TRIM23: variants seen among roughly 807,000 people sequenced by gnomAD.
The protein encoded by TRIM23 is E3 ubiquitin-protein ligase TRIM23.
In TRIM23, 27 loss-of-function variants were observed where a neutral mutation model predicts 71.0. That is an observed-to-expected ratio of 0.38 (90% confidence interval 0.28 to 0.52). TRIM23 has a LOEUF of 0.52. TRIM23 is among the 20% of genes least tolerant of loss of function. TRIM23 has a pLI of 0.84. For synonymous variants in TRIM23, 234 were observed against 238.0 expected (o/e 0.98, Z 0.16); for missense variants, 482 against 692.3 (o/e 0.70, Z 3.41).
chr5:65,619,596 C>T (rs1347597541), intron 1 of TRIM23, among the ~76,000 whole-genome samples: 1 of 152,136 alleles, frequency 6.6e-6, no homozygotes. Context: ...ATATCTTTCA[C>T]CATACAGTGA....
At chr5:65,595,418 C>G (rs1053987914) in intron 9 of TRIM23, among the ~76,000 whole-genome samples, 1 of 151,868 alleles carries the variant, frequency 6.6e-6, no homozygotes, top group African/African-American at 2.4e-5. Context: ...ATTAGCCAGG[C>G]ATGGTGGTGG....
At chr5:65,595,256 A>T (rs1561740690) in intron 9 of TRIM23, among the ~76,000 whole-genome samples, 1 of 151,864 alleles carries the variant, frequency 6.6e-6, no homozygotes, top group African/African-American at 2.4e-5. Flanking sequence ...TTAAAAAAAA[A>T]TTAAAAATTA....
In TRIM23 at chr5:65,591,681, C is replaced by T. The variant is rs1475590208; in HGVS notation, c.*88G>A. ...TATATATATATGCATCCTAAATTAC[C>T]ATCTTTTGAGATGTATAATTTCTTA... On this transcript the variant is annotated 3_prime_UTR_variant, in exon 11 of 11. Coordinates refer to ENST00000231524, the MANE Select transcript of TRIM23 (RefSeq NM_001656.4). 3 of 1,092,072 alleles carry T rather than the reference C, an allele frequency of 2.7e-6. No individual in the cohort carries two copies. Among genetic ancestry groups the T allele is most frequent in the African/African-American group, 2.0e-5 (1 of 50,004 alleles). The allele number at this position is 1,092,072 out of a possible 1,614,324, so 67.6% of individuals were successfully genotyped here.
chr5:65,595,501 T>C (rs1754175566), intron 9 of TRIM23, among the ~76,000 whole-genome samples: 1 of 142,288 alleles, frequency 7.0e-6, no homozygotes, highest in South Asian at 2.2e-4. Flanking sequence ...GAGCTTGCAG[T>C]GAGCCGAGAT....
chr5:65,600,647 A>G (rs918632983), intron 7 of TRIM23, among the ~76,000 whole-genome samples: 2 of 151,932 alleles, frequency 1.3e-5, no homozygotes, highest in Non-Finnish European at 2.9e-5. Flanking sequence ...AAAAGCAAAA[A>G]TAGACTACAT....
chr5:65,590,209 TCA>T lies in TRIM23; in HGVS notation c.*1558_*1559del, dbSNP rs932001393. 20 of 873,386 alleles carry T rather than the reference TCA, an allele frequency of 2.3e-5. No individual in the cohort carries two copies. The highest frequency in any genetic ancestry group is 2.3e-4 in the Middle Eastern group (1 of 4,344). The allele number at this position is 873,386 out of a possible 1,614,324, so 54.1% of individuals were successfully genotyped here. A position where few individuals can be genotyped will look rare whatever the true frequency, so the allele number is the denominator to read the frequency against. ...AGCAATACAACACCTTTTTTATTTTTCACAGTTATTGAAATCAGTCAAATATT... is the reference window on the plus strand; with the variant it reads ...AGCAATACAACACCTTTTTTATTTTTCAGTTATTGAAATCAGTCAAATATT... On this transcript the variant is annotated 3_prime_UTR_variant, in exon 11 of 11. Transcript: ENST00000231524.
At position 65,614,191 on chromosome 5, in the gene TRIM23, T is replaced by G. The variant is rs1303987445; in HGVS notation, c.273A>C (p.Lys91Asn). The stretch of plus-strand genomic sequence containing the variant: ...CCAAAAGCTCCAATAAAGCAAAATT[T>G]TTTTTCAATCCCCAGACACCTGAAT... ...LGDSGVWGLK[K>N]NFALLELLER... The change falls in exon 3 of 11, where the codon AAA becomes AAC. Residue 91 changes from lysine (K) to asparagine (N), a missense_variant. Transcript: ENST00000231524. The G allele has an allele frequency of 1.2e-6, 2 of 1,613,800 alleles. No individual in the cohort carries two copies. The highest frequency in any genetic ancestry group is 3.3e-5 in the Admixed American group (2 of 59,998).
At chr5:65,598,815 G>C (rs1754281741) in intron 7 of TRIM23, among the ~76,000 whole-genome samples, 1 of 151,058 alleles carries the variant, frequency 6.6e-6, no homozygotes, top group Admixed American at 6.6e-5. Context: ...TAACTGGAAG[G>C]CAAGAATTAT....
chr5:65,592,122 G>T (rs1754056090), intron 10 of TRIM23, among the ~76,000 whole-genome samples, 174 bp from the exon 11 acceptor site: 1 of 152,090 alleles, frequency 6.6e-6, no homozygotes. Flanking sequence ...AAATTAGTTT[G>T]GTTTAACTAA....
At chr5:65,609,598 C>T (rs1754600746) in intron 5 of TRIM23, 140 bp from the exon 6 acceptor site, 5 of 850,570 alleles carry the variant, frequency 5.9e-6, no homozygotes, top group Admixed American at 2.8e-5. Context: ...GCCGTGGTGG[C>T]ATGTGCCTGT....
At chr5:65,617,382 TTAGA>T (rs535759735) in intron 2 of TRIM23, among the ~76,000 whole-genome samples, 2 of 152,166 alleles carry the variant, frequency 1.3e-5, no homozygotes, top group Non-Finnish European at 1.5e-5. Flanking sequence ...TAAAACTGTC[TTAGA>T]TAGTGCAACT....
intron 9 of TRIM23, 101 bp from the exon 10 acceptor site, chr5:65,594,746 T>C: frequency 9.1e-7 from 1 of 1,093,134 alleles, no homozygotes; most frequent in Non-Finnish European, 1.2e-6. Flanking sequence ...TGGTTAGAGT[T>C]TGTCTACCAT....
At position 65,590,538 on chromosome 5, in the gene TRIM23, T is replaced by C. The variant is rs966648518; in HGVS notation, c.*1231A>G. On this transcript the variant is annotated 3_prime_UTR_variant, in exon 11 of 11. Transcript: ENST00000231524. ...TAAGATTTAACTTCATCCTAATGTATCAGAACATTAAAAAAAAAAAAGTCT... is the reference window on the plus strand; with the variant it reads ...TAAGATTTAACTTCATCCTAATGTACCAGAACATTAAAAAAAAAAAAGTCT... 3.7e-6 allele frequency: 4 copies of C among 1,082,698 alleles called. No individual in the cohort carries two copies. Among genetic ancestry groups the C allele is most frequent in the Non-Finnish European group, 4.5e-6 (4 of 892,282 alleles). The allele number at this position is 1,082,698 out of a possible 1,614,324, so 67.1% of individuals were successfully genotyped here.
rs1581197650 is a variant in TRIM23 at position 65,624,235 on chromosome 5, C to T, written c.40G>A (p.Asp14Asn). ...CCCCGGCTGCCCTGCCGGCCACTGT[C>T]TACTCCCGCTCCGAGCTTGTTTACA... The part of the protein sequence containing the change: ...LVVNKLGAGV[D>N]SGRQGSRGTA... Residue 14 changes from aspartate (D) to asparagine (N), a missense_variant, in exon 1 of 11, where the codon GAC becomes AAC. Asp to Asn is a conservative substitution (Grantham distance 23). This residue lies in a region of TRIM23 where 175 missense variants were observed against 196.5 expected (regional missense o/e 0.89). Transcript: ENST00000231524. The T allele has an allele frequency of 6.2e-7, 1 of 1,614,232 alleles. No homozygotes were observed. Among genetic ancestry groups the T allele is most frequent in the Non-Finnish European group, 8.5e-7 (1 of 1,180,044 alleles).
At chr5:65,595,739 A>AT in intron 9 of TRIM23, among the ~76,000 whole-genome samples, 1 of 151,746 alleles carries the variant, frequency 6.6e-6, no homozygotes, top group East Asian at 1.9e-4. Context: ...AAAAAAATAC[A>AT]TTTTTTCTAT....
At chr5:65,608,048 C>T (rs1307652263) in intron 6 of TRIM23, among the ~76,000 whole-genome samples, 5 of 152,018 alleles carry the variant, frequency 3.3e-5, no homozygotes, top group Non-Finnish European at 7.4e-5. Flanking sequence ...AACTAGGTAG[C>T]TAAAAGGTTA....
chr5:65,619,089 C>G (rs1754849915), intron 1 of TRIM23, among the ~76,000 whole-genome samples: 1 of 152,182 alleles, frequency 6.6e-6, no homozygotes, highest in African/African-American at 2.4e-5. Flanking sequence ...AATACCCACA[C>G]TGTACTATTC....
intron 7 of TRIM23, among the ~76,000 whole-genome samples, chr5:65,599,806 T>C (rs573409385): frequency 3.3e-5 from 5 of 152,282 alleles, no homozygotes; most frequent in African/African-American, 9.6e-5. Flanking sequence ...AAGAAAAAAG[T>C]TGGAGGACTC....
intron 6 of TRIM23, chr5:65,607,080 G>A (rs1754528591): frequency 6.6e-6 from 1 of 152,184 alleles, no homozygotes; most frequent in Non-Finnish European, 1.5e-5. Flanking sequence ...GTTTAGAGTG[G>A]ATGGATGATT....
Sources: allele counts gnomAD v4.1 joint callset (sites outside exome capture counted in the v4.1 genomes callset), GRCh38; gene constraint gnomAD v4.1.1; regional missense constraint gnomAD v4.1.1; transcripts MANE v1.5; gene names NCBI Gene and HGNC (gene_info 2026-07-23, HGNC 2026-07-21).